Variants in ADGRB3 observed in about 807,000 individuals in gnomAD.
The protein encoded by ADGRB3 is adhesion G protein-coupled receptor B3, also known as brain-specific angiogenesis inhibitor 3.
Under a neutral mutation model 193.4 loss-of-function variants are expected in ADGRB3, and 37 were observed. The ratio of observed to expected loss-of-function variants is 0.19; its 90% CI spans 0.15 to 0.25. The LOEUF (loss-of-function observed/expected upper bound fraction) is 0.25, where lower values mean the gene tolerates loss of function less well. ADGRB3 is among the 10% of genes least tolerant of loss of function. ADGRB3 has a pLI of 1.00. For synonymous variants in ADGRB3, 690 were observed against 644.2 expected, an observed-to-expected ratio of 1.07 and a Z score of -1.08; for missense variants, 1,637 against 1,852.9, an observed-to-expected ratio of 0.88 and a Z score of 2.14.
chr6:69,206,045 G>GTATATGTA (rs1554169624), intron 17 of ADGRB3, among the ~76,000 whole-genome samples: 40 of 99,930 alleles, frequency 4.0e-4, no homozygotes, highest in Admixed American at 1.3e-3. Flanking sequence ...TATAATAATG[G>GTATATGTA]TATATATATA....
chr6:69,197,008 C>T lies in ADGRB3; in HGVS notation c.2481-36282C>T, dbSNP rs570152816. ...GAGATAATACCATCCTGCTCATTTG[C>T]TCTGAGAATTAGAAGTAATTGCACT... On this transcript the variant is annotated intron_variant, in intron 17 of 31. Transcript: ENST00000370598. 5.3e-5 allele frequency among the ~76,000 whole-genome samples: 8 copies of T among 152,180 alleles called. No individual in the cohort carries two copies. In the East Asian group the frequency reaches 1.5e-3, roughly 29 times the overall value.
intron 10 of ADGRB3, among the ~76,000 whole-genome samples, chr6:68,983,547 G>A (rs1768985891): frequency 6.6e-6 from 1 of 150,678 alleles, no homozygotes; most frequent in South Asian, 2.1e-4. Context: ...TAATACCAAA[G>A]GGAAAAAAAT....
At chr6:69,072,592 GTATCT>G in intron 16 of ADGRB3, among the ~76,000 whole-genome samples, 1 of 151,896 alleles carries the variant, frequency 6.6e-6, no homozygotes, top group African/African-American at 2.4e-5. Context: ...CCTATAGTCC[GTATCT>G]TATATTAGTT....
intron 3 of ADGRB3, among the ~76,000 whole-genome samples, chr6:68,818,327 A>G (rs570615157): frequency 5.4e-4 from 82 of 152,146 alleles, no homozygotes; most frequent in Non-Finnish European, 5.3e-4. Context: ...GCCCACCTCC[A>G]TTAATGAGGA....
chr6:69,032,482 A>G (rs1770742078), intron 13 of ADGRB3, among the ~76,000 whole-genome samples: 1 of 152,210 alleles, frequency 6.6e-6, no homozygotes, highest in Non-Finnish European at 1.5e-5. Flanking sequence ...AACTGTTTCT[A>G]TGGCAATAAT....
At chr6:68,915,525 T>C (rs1312641657) in intron 3 of ADGRB3, among the ~76,000 whole-genome samples, 1 of 152,232 alleles carries the variant, frequency 6.6e-6, no homozygotes, top group African/African-American at 2.4e-5. Flanking sequence ...TGGATGATCT[T>C]AATTATTTTA....
At position 69,277,122 on chromosome 6, in the gene ADGRB3, G is replaced by C. The variant is rs182509977; in HGVS notation, c.2814+37896G>C. On this transcript the variant is annotated intron_variant, in intron 20 of 31. Coordinates refer to ENST00000370598, the MANE Select transcript of ADGRB3 (RefSeq NM_001704.3). ...GCGATTCTCCTGCCTCAGCCTCCAA[G>C]TAGCTGGGATTACAGGCACGAGCCA... Among the ~76,000 whole-genome samples, 9 of 151,398 alleles carry C rather than the reference G, an allele frequency of 5.9e-5. No individual in the cohort carries two copies. In the East Asian group the frequency reaches 1.8e-3, roughly 30 times the overall value.
chr6:69,117,593 A>C (rs936664179), intron 17 of ADGRB3, among the ~76,000 whole-genome samples: 3 of 149,650 alleles, frequency 2.0e-5, no homozygotes, highest in Non-Finnish European at 3.0e-5. Context: ...ACAGGAGTTT[A>C]AAATGTAATT....
At chr6:68,899,895 A>G (rs1271486654) in intron 3 of ADGRB3, among the ~76,000 whole-genome samples, 1 of 152,148 alleles carries the variant, frequency 6.6e-6, no homozygotes, top group African/African-American at 2.4e-5. Context: ...AAATACATAA[A>G]GAACTCTAAT....
intron 3 of ADGRB3, among the ~76,000 whole-genome samples, chr6:68,913,455 A>G (rs544515711): frequency 1.3e-5 from 2 of 152,310 alleles, no homozygotes; most frequent in Admixed American, 6.5e-5. Context: ...ACCTCTAGCA[A>G]ACTCCAACAG....
chr6:69,095,203 A>G (rs1208409223), intron 17 of ADGRB3, among the ~76,000 whole-genome samples: 1 of 152,312 alleles, frequency 6.6e-6, no homozygotes, highest in South Asian at 2.1e-4. Flanking sequence ...AAAAAGCTGG[A>G]TTAAATGGTA....
At chr6:69,093,467 AG>A (rs1379073474) in intron 17 of ADGRB3, among the ~76,000 whole-genome samples, 1 of 150,360 alleles carries the variant, frequency 6.7e-6, no homozygotes, top group African/African-American at 2.5e-5. Context: ...CCTAGGTTCA[AG>A]GGATAGGGTT....
chr6:68,938,342 A>AG (rs1767537097), intron 5 of ADGRB3, among the ~76,000 whole-genome samples: 1 of 151,536 alleles, frequency 6.6e-6, no homozygotes, highest in Non-Finnish European at 1.5e-5. Flanking sequence ...CAGAAGAAAA[A>AG]CAAGTAGAAG....
intron 26 of ADGRB3, among the ~76,000 whole-genome samples, chr6:69,346,941 A>G (rs1297646967): frequency 7.9e-5 from 12 of 152,240 alleles, no homozygotes; most frequent in African/African-American, 2.9e-4. Flanking sequence ...CACAATAGCA[A>G]AGACTTGGAA....
chr6:69,040,342 T>C (rs1029102958), intron 13 of ADGRB3, among the ~76,000 whole-genome samples: 7 of 50,966 alleles, frequency 1.4e-4, no homozygotes, highest in South Asian at 2.6e-3. Flanking sequence ...TCTTTCTTTC[T>C]TTCTTTCTTT....
At chr6:69,044,319 CA>C (rs1338919128) in intron 13 of ADGRB3, among the ~76,000 whole-genome samples, 1 of 152,134 alleles carries the variant, frequency 6.6e-6, no homozygotes, top group Admixed American at 6.5e-5. Flanking sequence ...ACTGATGCAT[CA>C]AATTACCTCC....
intron 3 of ADGRB3, among the ~76,000 whole-genome samples, chr6:68,908,802 A>G (rs1411179454): frequency 1.3e-5 from 2 of 152,158 alleles, no homozygotes; most frequent in Admixed American, 6.5e-5. Context: ...CCTGAGCTTC[A>G]GAAACTAATC....
At position 69,011,888 on chromosome 6, in the gene ADGRB3, A is replaced by G. The variant is rs952170916; in HGVS notation, c.1930-2150A>G. Among the ~76,000 whole-genome samples, 3 of 152,008 alleles carry G rather than the reference A, an allele frequency of 2.0e-5. No homozygotes were observed. In the South Asian group the frequency reaches 6.2e-4, roughly 31 times the overall value. On this transcript the variant is annotated intron_variant, in intron 11 of 31. Transcript: ENST00000370598. Reference sequence around the variant, plus strand: ...TCAGGGCGCTACTACTGATTATTCCAAAGTCTAATCAATAGTGAGAACAAA... The same window carrying G: ...TCAGGGCGCTACTACTGATTATTCCGAAGTCTAATCAATAGTGAGAACAAA...
intron 3 of ADGRB3, among the ~76,000 whole-genome samples, chr6:68,883,443 CT>C (rs1554212810): frequency 6.6e-6 from 1 of 152,184 alleles, no homozygotes; most frequent in Non-Finnish European, 1.5e-5. Flanking sequence ...GTTGTAGGAG[CT>C]TTGTTTATTT....
Sources: gnomAD v4.1 joint callset for allele counts (sites outside exome capture counted in the v4.1 genomes callset) on GRCh38, gnomAD v4.1.1 for gene constraint, MANE v1.5 for transcripts, NCBI Gene and HGNC (gene_info 2026-07-23, HGNC 2026-07-21) for gene names.